Variants in PCDHGB3 observed in about 807,000 individuals in gnomAD.
PCDHGB3 encodes the protein protocadherin gamma subfamily B, 3.
In PCDHGB3, 40 loss-of-function variants were observed where a neutral mutation model predicts 59.2. The ratio of observed to expected loss-of-function variants is 0.68; its 90% CI spans 0.52 to 0.88. PCDHGB3 has a LOEUF of 0.88. PCDHGB3 is among the 40% of genes least tolerant of loss of function. PCDHGB3 has a pLI of 0.00. For missense variants in PCDHGB3, 1,309 were observed against 1,187.9 expected (o/e 1.10, Z -1.50); for synonymous variants, 581 against 503.6 (o/e 1.15, Z -2.06).
intron 1 of PCDHGB3, chr5:141,415,170 C>T (rs781724309): frequency 3.7e-6 from 6 of 1,613,878 alleles, no homozygotes; most frequent in South Asian, 2.2e-5. Flanking sequence ...TCACGCTCAC[C>T]GTGGCCGTGG....
intron 1 of PCDHGB3, chr5:141,400,754 C>A (rs6880273): frequency 0.26 from 150,367 of 588,610 alleles, 21,664 homozygotes; most frequent in African/African-American, 0.5. Context: ...TTAGCTTCCT[C>A]TCTAGCAAAA....
chr5:141,474,188 T>C (rs1203777014), intron 1 of PCDHGB3, among the ~76,000 whole-genome samples: 1 of 152,216 alleles, frequency 6.6e-6, no homozygotes, highest in Non-Finnish European at 1.5e-5. Context: ...CTACTTACAT[T>C]TTTAAAAGCT....
chr5:141,374,484 T>C, intron 1 of PCDHGB3: 1 of 1,611,588 alleles, frequency 6.2e-7, no homozygotes. Flanking sequence ...CCCCGATTCT[T>C]AAAGGAAGAA....
In PCDHGB3 at chr5:141,393,139, T is replaced by A. The variant is rs753058672; in HGVS notation, c.2415+20330T>A. 1.2e-6 allele frequency: 2 copies of A among 1,613,322 alleles called. No individual in the cohort carries two copies. The highest frequency in any genetic ancestry group is 3.3e-5 in the Admixed American group (2 of 60,032). ...CGGTGTCTGATAAATATTAACACCC[T>A]GGTTGAGGATAAAGGAAAACTCTTT... On this transcript the variant is annotated intron_variant, in intron 1 of 3. Coordinates refer to ENST00000576222, the MANE Select transcript of PCDHGB3 (RefSeq NM_018924.5).
At chr5:141,507,283 G>T (rs917383969) in intron 3 of PCDHGB3, 2 of 150,498 alleles carry the variant, frequency 1.3e-5, no homozygotes, top group Non-Finnish European at 2.9e-5. Context: ...GCATAAGTCA[G>T]TCTCAAATGT....
intron 2 of PCDHGB3, among the ~76,000 whole-genome samples, chr5:141,499,940 G>A (rs1158937971): frequency 4.0e-5 from 6 of 151,722 alleles, no homozygotes; most frequent in Non-Finnish European, 8.8e-5. Flanking sequence ...CACCCTCCTC[G>A]GCCTCCCAAA....
At chr5:141,502,056 C>A (rs1163976282) in intron 2 of PCDHGB3, among the ~76,000 whole-genome samples, 1 of 152,116 alleles carries the variant, frequency 6.6e-6, no homozygotes, top group Non-Finnish European at 1.5e-5. Context: ...CTACTTTATT[C>A]CCATTAGCCC....
At position 141,491,466 on chromosome 5, in the gene PCDHGB3, T is replaced by C; in HGVS notation, c.2416-3341T>C. The C allele has an allele frequency of 6.2e-7, 1 of 1,614,068 alleles. No homozygotes were observed. The highest frequency in any genetic ancestry group is 8.5e-7 in the Non-Finnish European group (1 of 1,179,986). ...AGGACTCACCCTCCCCGGACTTCTA[T>C]AAGCAGTCCAGCCCCAACCTGCAGG... On this transcript the variant is annotated intron_variant, in intron 1 of 3. Transcript: ENST00000576222. The surrounding 1 kb of genome is among the most constrained non-coding windows in gnomAD (Gnocchi z 6.9).
rs534816363 is a variant in PCDHGB3, at chr5:141,456,234, G to T, written c.2416-38573G>T. Among the ~76,000 whole-genome samples the T allele has an allele frequency of 2.2e-4, 33 of 152,224 alleles. 1 individual carries two copies. The South Asian group carries it at 6.9e-3, about 32-fold the overall frequency. On this transcript the variant is annotated intron_variant, in intron 1 of 3. Transcript: ENST00000576222. ...CTGTGGCGATATCAAACTAACTGCT[G>T]TTAGGAGGCTTTGGGCGACCATTGC...
intron 1 of PCDHGB3, chr5:141,419,118 T>C: frequency 6.2e-7 from 1 of 1,613,806 alleles, no homozygotes; most frequent in South Asian, 1.1e-5. Context: ...GAGTACAACG[T>C]CACCATCGCA....
intron 1 of PCDHGB3, chr5:141,418,910 T>C: frequency 6.2e-7 from 1 of 1,613,936 alleles, no homozygotes; most frequent in East Asian, 2.2e-5. Flanking sequence ...AATCATCACG[T>C]CACTCTCTGA....
At chr5:141,404,520 A>C (rs1483361714) in intron 1 of PCDHGB3, 2 of 1,613,916 alleles carry the variant, frequency 1.2e-6, no homozygotes, top group Non-Finnish European at 1.7e-6. Context: ...TTTGACTATG[A>C]GCAGTTTAGA....
chr5:141,388,310 A>G, intron 1 of PCDHGB3: 1 of 1,613,880 alleles, frequency 6.2e-7, no homozygotes, highest in Non-Finnish European at 8.5e-7. Flanking sequence ...AGCTGCAAAT[A>G]AGTGAGTCTG....
intron 1 of PCDHGB3, among the ~76,000 whole-genome samples, chr5:141,444,175 TTTTTTTTTTTTTTG>T (rs2098423325): frequency 7.6e-6 from 1 of 131,192 alleles, no homozygotes; most frequent in African/African-American, 3.0e-5. Flanking sequence ...TTTTTTTTTT[TTTTTTTTTTTTTTG>T]AGATGGAGTT....
At position 141,493,262 on chromosome 5, in the gene PCDHGB3, A is replaced by G. The variant is rs148431133; in HGVS notation, c.2416-1545A>G. ...GGTACTAACATGCCTCTCTTATAAC[A>G]GCTTCACAGAGGTCAAGTGACTTGC... is the stretch of plus-strand genomic sequence containing the variant. On this transcript the variant is annotated intron_variant, in intron 1 of 3. Transcript: ENST00000576222. This position sits in a 1 kb window ranked among gnomAD's most constrained non-coding sequence, Gnocchi z 4.3. 5.1e-4 allele frequency among the ~76,000 whole-genome samples: 78 copies of G among 152,302 alleles called. No homozygotes were observed. Among genetic ancestry groups the G allele is most frequent in the African/African-American group, 1.7e-3 (72 of 41,574 alleles).
intron 1 of PCDHGB3, chr5:141,404,379 C>T (rs548569433): frequency 6.2e-7 from 1 of 1,613,940 alleles, no homozygotes; most frequent in African/African-American, 1.3e-5. Flanking sequence ...TCCGTGATTG[C>T]CTATGACCCT....
intron 1 of PCDHGB3, among the ~76,000 whole-genome samples, chr5:141,446,714 G>T (rs193229261): frequency 2.6e-5 from 4 of 152,044 alleles, no homozygotes; most frequent in African/African-American, 9.7e-5. Flanking sequence ...TGATCTGCCC[G>T]CCTCGGCCTC....
intron 1 of PCDHGB3, chr5:141,395,296 ATG>A: frequency 6.6e-7 from 1 of 1,524,308 alleles, no homozygotes. Flanking sequence ...GGCATAAATT[ATG>A]TTTTGAAAAA....
rs1022106778 is a variant in PCDHGB3, at chr5:141,384,657, C to A, written c.2415+11848C>A. ...CACCCCGCTCCGCAGAGCCCGGCTACCTGGTGACCAAGGTGGTGGCGGTGG... is the reference window on the plus strand; with the variant it reads ...CACCCCGCTCCGCAGAGCCCGGCTAACTGGTGACCAAGGTGGTGGCGGTGG... On this transcript the variant is annotated intron_variant, in intron 1 of 3. Transcript: ENST00000576222. 23 of 1,614,124 alleles carry A rather than the reference C, an allele frequency of 1.4e-5. No homozygotes were observed. The African/African-American group carries it at 2.0e-4, about 14-fold the overall frequency.
Sources: gnomAD v4.1 joint callset for allele counts (sites outside exome capture counted in the v4.1 genomes callset) on GRCh38, gnomAD v4.1.1 for gene constraint, Gnocchi (gnomAD v3.1) non-coding constraint, MANE v1.5 for transcripts, NCBI Gene and HGNC (gene_info 2026-07-23, HGNC 2026-07-21) for gene names.